Variants in CLECL1 observed in about 807,000 individuals in gnomAD.
The protein encoded by CLECL1 is C-type lectin-like domain family 1.
intron 2 of CLECL1, among the ~76,000 whole-genome samples, chr12:9,716,941 A>G (rs1223987651): frequency 1.3e-5 from 2 of 152,190 alleles, no homozygotes. Context: ...TGTGAACGGG[A>G]TGTAAACCAG....
exon 4 of CLECL1, chr12:9,722,664 T>TCACC: frequency 6.2e-7 from 1 of 1,613,800 alleles, no homozygotes; most frequent in Admixed American, 1.7e-5. Flanking sequence ...ATGTCTTGAA[T>TCACC]CACCATGAGA....
chr12:9,716,742 A>T, exon 3 of CLECL1: 2 of 1,272,120 alleles, frequency 1.6e-6, no homozygotes, highest in Non-Finnish European at 2.1e-6. Context: ...AAGTCTAGGA[A>T]CTTCTATATG....
downstream of CLECL1, chr12:9,718,616 A>T: frequency 1.6e-6 from 1 of 627,790 alleles, no homozygotes; most frequent in Non-Finnish European, 2.8e-6. Flanking sequence ...TGGAGACACA[A>T]CCTTTAAAGA....
downstream of CLECL1, among the ~76,000 whole-genome samples, chr12:9,714,565 G>A (rs1866220712): frequency 6.6e-6 from 1 of 152,300 alleles, no homozygotes; most frequent in African/African-American, 2.4e-5. Context: ...TGTTTTTGTG[G>A]TATCATTATA....
chr12:9,730,500 G>A (rs963894462), intron 1 of CLECL1, among the ~76,000 whole-genome samples: 1 of 152,098 alleles, frequency 6.6e-6, no homozygotes, highest in Non-Finnish European at 1.5e-5. Context: ...ATTATTGAGT[G>A]CATTGTTTTA....
the CLECL1 span, among the ~76,000 whole-genome samples, chr12:9,710,324 C>G: frequency 4.6e-5 from 7 of 152,182 alleles, no homozygotes; most frequent in Non-Finnish European, 8.8e-5. Flanking sequence ...AGGTAGACCT[C>G]TCGGAAGCAT....
chr12:9,720,282 T>G (rs1866293190), downstream of CLECL1, among the ~76,000 whole-genome samples: 1 of 151,976 alleles, frequency 6.6e-6, no homozygotes, highest in Non-Finnish European at 1.5e-5. Context: ...TCTTTTAGTT[T>G]ATTGTGTAGA....
rs116125170 is a variant in CLECL1 at position 9,722,948 on chromosome 12, G to A, written n.263-135C>T. 1,547 of 556,772 alleles carry A rather than the reference G, an allele frequency of 2.8e-3. 27 individuals carry two copies. Among genetic ancestry groups the A allele is most frequent in the African/African-American group, 0.027 (1,411 of 51,622 alleles). 34.5% of individuals were successfully genotyped at this position (556,772 alleles called of 1,614,324 possible). ...GAAAAAAGTATGTGCTTTGTTCCAG[G>A]GTACATTTGAAAAAAAATTAAAAGA... On this transcript the variant is annotated intron_variant and non_coding_transcript_variant, in intron 3 of 3. Coordinates refer to ENST00000621400, the Ensembl canonical transcript of CLECL1.
At chr12:9,725,365 A>G (rs1866365895) in intron 3 of CLECL1, among the ~76,000 whole-genome samples, 1 of 152,132 alleles carries the variant, frequency 6.6e-6, no homozygotes, top group Non-Finnish European at 1.5e-5. Context: ...TCAGACTGAT[A>G]TAATGCACCT....
downstream of CLECL1, among the ~76,000 whole-genome samples, chr12:9,719,005 C>A (rs919516575): frequency 1.3e-5 from 2 of 152,102 alleles, no homozygotes; most frequent in Admixed American, 6.5e-5. Flanking sequence ...TTTTCATATA[C>A]CTCTTACATG....
At chr12:9,724,337 GA>G (rs1866351995) in intron 3 of CLECL1, among the ~76,000 whole-genome samples, 1 of 151,950 alleles carries the variant, frequency 6.6e-6, no homozygotes. Context: ...TGAAAAACCA[GA>G]AAAATATGAC....
In CLECL1 at chr12:9,716,842, G is replaced by T. The variant is rs1360966305; in HGVS notation, n.153-66C>A. The T allele has an allele frequency of 5.5e-6, 5 of 910,742 alleles. No individual in the cohort carries two copies. The South Asian group carries it at 7.1e-5, about 13-fold the overall frequency. 56.4% of individuals were successfully genotyped at this position (910,742 alleles called of 1,614,324 possible). On this transcript the variant is annotated intron_variant and non_coding_transcript_variant, in intron 2 of 2. Transcript: ENST00000540988. Reference sequence around the variant, plus strand: ...CCAAAACATTTGAGGCAAAACTACTGAATGGATTATTATGGGACCATCCTA... The same window carrying T: ...CCAAAACATTTGAGGCAAAACTACTTAATGGATTATTATGGGACCATCCTA...
Sources: gnomAD v4.1 joint callset for allele counts (sites outside exome capture counted in the v4.1 genomes callset) on GRCh38, gnomAD v4.1.1 for gene constraint, MANE v1.5 for transcripts, NCBI Gene and HGNC (gene_info 2026-07-23, HGNC 2026-07-21) for gene names.